COLEC12: variants seen among roughly 807,000 people sequenced by gnomAD.
The protein encoded by COLEC12 is collectin-12.
Under a neutral mutation model 71.1 loss-of-function variants are expected in COLEC12, and 33 were observed. That is an observed-to-expected ratio of 0.46 (90% CI 0.35 to 0.62). The LOEUF is 0.62. COLEC12 is among the 20% of genes least tolerant of loss of function. The pLI, the probability that COLEC12 is intolerant of heterozygous loss-of-function variation, is 0.00. For synonymous variants in COLEC12, 350 were observed against 353.0 expected (o/e 0.99, Z 0.10); for missense variants, 765 against 916.1 (o/e 0.84, Z 2.13).
intron 2 of COLEC12, among the ~76,000 whole-genome samples, chr18:468,997 T>C (rs1917140930): frequency 1.3e-5 from 2 of 152,266 alleles, no homozygotes; most frequent in South Asian, 2.1e-4. Context: ...AGCAGTTTAG[T>C]AACAGCTGTG....
chr18:454,189 C>T (rs12964090), intron 2 of COLEC12, among the ~76,000 whole-genome samples: 17,426 of 152,276 alleles, frequency 0.11, 1,378 homozygotes, highest in East Asian at 0.37. Context: ...TCCATCTCCC[C>T]GCCACTCTAT....
chr18:335,071 C>T lies in COLEC12; in HGVS notation c.1487G>A (p.Arg496His), dbSNP rs1001323032. Reference protein sequence around the residue: ...PIGPAGPPGERGGKGSKGSQG... With the variant: ...PIGPAGPPGEHGGKGSKGSQG... ...GGAGCCTTTAGATCCTTTGCCGCCA[C>T]GCTCTCCGGGGGGACCAGCTGGTCC... The change falls in exon 6 of 10, where the codon CGT becomes CAT. Residue 496 changes from arginine to histidine, a missense_variant. By Grantham distance (29) the Arg-to-His change is conservative (BLOSUM62 0). Transcript: ENST00000400256. 1.2e-5 allele frequency: 19 copies of T among 1,609,420 alleles called. No individual in the cohort carries two copies. Among genetic ancestry groups the T allele is most frequent in the Middle Eastern group, 1.7e-4 (1 of 6,014 alleles).
Position 438,818 on chromosome 18 carries a change from A to AT in COLEC12, c.58+41888_58+41889insA, listed in dbSNP as rs1226279057. On this transcript the variant is annotated intron_variant, in intron 2 of 9. Transcript: ENST00000400256. Reference sequence around the variant, plus strand: ...ACCTTGTCTCAAAAAAAAAAAAAAAAATACTCATTTTGGAAAGTCCCAATT... The same window carrying AT: ...ACCTTGTCTCAAAAAAAAAAAAAAAATATACTCATTTTGGAAAGTCCCAATT... Among the ~76,000 whole-genome samples the AT allele has an allele frequency of 3.3e-5, 5 of 151,842 alleles. No homozygotes were observed. The East Asian group carries it at 9.7e-4, about 29-fold the overall frequency.
intron 2 of COLEC12, among the ~76,000 whole-genome samples, chr18:420,049 C>G (rs1916066408): frequency 6.6e-6 from 1 of 152,148 alleles, no homozygotes; most frequent in South Asian, 2.1e-4. Flanking sequence ...AGGCCGCCCC[C>G]AGCAATTCCA....
At chr18:356,941 C>A (rs1567882919) in intron 3 of COLEC12, among the ~76,000 whole-genome samples, 1 of 152,136 alleles carries the variant, frequency 6.6e-6, no homozygotes, top group Non-Finnish European at 1.5e-5. Flanking sequence ...AGTGAATGTG[C>A]TGCAGAGAAA....
At chr18:366,323 C>T (rs1567885904) in intron 2 of COLEC12, among the ~76,000 whole-genome samples, 2 of 152,100 alleles carry the variant, frequency 1.3e-5, no homozygotes, top group Non-Finnish European at 2.9e-5. Flanking sequence ...TGGGAAGGAC[C>T]CCAGGCACCT....
At chr18:417,718 G>A (rs1294533824) in intron 2 of COLEC12, among the ~76,000 whole-genome samples, 1 of 152,210 alleles carries the variant, frequency 6.6e-6, no homozygotes, top group Non-Finnish European at 1.5e-5. Flanking sequence ...TCTGAGGCCT[G>A]TTGCTGTCAG....
At chr18:334,678 T>C in intron 6 of COLEC12, 64 bp downstream of exon 6, 1 of 1,355,202 alleles carries the variant, frequency 7.4e-7, no homozygotes, top group Non-Finnish European at 9.7e-7. Flanking sequence ...ACACTGGGGG[T>C]TGGCTCAGTC....
At chr18:436,697 A>T (rs954439284) in intron 2 of COLEC12, among the ~76,000 whole-genome samples, 4 of 151,678 alleles carry the variant, frequency 2.6e-5, no homozygotes, top group African/African-American at 7.3e-5. Flanking sequence ...TCACAAGCAG[A>T]AGGAGACATC....
chr18:336,703 A>T (rs1045828350), intron 5 of COLEC12, among the ~76,000 whole-genome samples: 2 of 152,288 alleles, frequency 1.3e-5, no homozygotes, highest in South Asian at 4.1e-4. Flanking sequence ...AGAGTAAGAC[A>T]TGGTCAGTCA....
At chr18:445,284 T>C (rs1191358641) in intron 2 of COLEC12, among the ~76,000 whole-genome samples, 4 of 152,140 alleles carry the variant, frequency 2.6e-5, no homozygotes, top group Non-Finnish European at 5.9e-5. Context: ...ATTATCCATC[T>C]CTCCTAGGTT....
intron 2 of COLEC12, among the ~76,000 whole-genome samples, chr18:442,399 T>A (rs1279576439): frequency 6.6e-6 from 1 of 152,196 alleles, no homozygotes; most frequent in Non-Finnish European, 1.5e-5. Flanking sequence ...CCTGGCCCAG[T>A]GGAGCTGTTG....
At chr18:325,865 T>C (rs890700166) in intron 8 of COLEC12, among the ~76,000 whole-genome samples, 1 of 152,052 alleles carries the variant, frequency 6.6e-6, no homozygotes, top group Non-Finnish European at 1.5e-5. Flanking sequence ...GGTCTTGCTA[T>C]GTTGCTCAGG....
intron 2 of COLEC12, among the ~76,000 whole-genome samples, chr18:472,712 A>C (rs1447101856): frequency 1.3e-5 from 2 of 151,036 alleles, no homozygotes; most frequent in African/African-American, 4.9e-5. Flanking sequence ...AAGAAGAAGA[A>C]GAAGGAAAAC....
At chr18:363,747 C>T (rs1420853097) in intron 2 of COLEC12, among the ~76,000 whole-genome samples, 2 of 152,142 alleles carry the variant, frequency 1.3e-5, no homozygotes, top group African/African-American at 2.4e-5. Flanking sequence ...ACTTTATCCA[C>T]CGAAATAACT....
intron 2 of COLEC12, among the ~76,000 whole-genome samples, chr18:476,347 A>G (rs888063812): frequency 3.3e-5 from 5 of 152,216 alleles, no homozygotes; most frequent in Non-Finnish European, 7.3e-5. Context: ...CTGAGCCCCA[A>G]AGAAGCAATT....
chr18:481,165 A>G (rs1246326436), intron 1 of COLEC12, among the ~76,000 whole-genome samples: 1 of 152,140 alleles, frequency 6.6e-6, no homozygotes, highest in Non-Finnish European at 1.5e-5. Flanking sequence ...ATCGACCGCC[A>G]AAGGGGTTAA....
intron 2 of COLEC12, among the ~76,000 whole-genome samples, chr18:444,779 T>A (rs539098774): frequency 1.1e-4 from 16 of 152,366 alleles, no homozygotes; most frequent in Admixed American, 7.2e-4. Flanking sequence ...GATATTTCCA[T>A]ATTATCTTAA....
At position 477,342 on chromosome 18, in the gene COLEC12, A is replaced by G. The variant is rs1408426058; in HGVS notation, c.58+3365T>C. 2.6e-5 allele frequency among the ~76,000 whole-genome samples: 4 copies of G among 152,244 alleles called. No individual in the cohort carries two copies. The East Asian group carries it at 7.7e-4, about 29-fold the overall frequency. On this transcript the variant is annotated intron_variant, in intron 2 of 9. Transcript: ENST00000400256. The stretch of plus-strand genomic sequence containing the variant: ...AGGCCCACCCAGTAGTGATTTGCTA[A>G]AACAATGGCTCCTTTGCCCTGTGAA...
Sources: gnomAD v4.1 joint callset for allele counts (sites outside exome capture counted in the v4.1 genomes callset) on GRCh38, gnomAD v4.1.1 for gene constraint, MANE v1.5 for transcripts, NCBI Gene and HGNC (gene_info 2026-07-23, HGNC 2026-07-21) for gene names.